The following AGBL1 variants were observed in gnomAD, a reference collection of about 807,000 sequenced individuals.
AGBL1 encodes AGBL carboxypeptidase 1.
Under a neutral mutation model 118.9 loss-of-function variants are expected in AGBL1, and 130 were observed. That is an observed-to-expected ratio of 1.09 (90% CI 0.95 to 1.26). The LOEUF (loss-of-function observed/expected upper bound fraction) is 1.26, where lower values mean the gene tolerates loss of function less well. Ranked by LOEUF, AGBL1 falls within the 50% of genes most tolerant of loss-of-function variation. The pLI is 0.00. For missense variants in AGBL1, 1,584 were observed against 1,298.1 expected (o/e 1.22, Z -3.38); for synonymous variants, 555 against 478.9 (o/e 1.16, Z -2.08).
chr15:87,025,793 C>T (rs531734105), intron 24 of AGBL1, among the ~76,000 whole-genome samples: 2 of 152,158 alleles, frequency 1.3e-5, no homozygotes, highest in Admixed American at 6.6e-5. Flanking sequence ...CAGCATGGTA[C>T]TGGTATAAGA....
At chr15:86,164,794 A>G (rs1402230811) in intron 5 of AGBL1, among the ~76,000 whole-genome samples, 2 of 152,116 alleles carry the variant, frequency 1.3e-5, no homozygotes, top group Admixed American at 6.6e-5. Flanking sequence ...AGCCCATTGT[A>G]TTCTCTGACC....
At chr15:86,790,479 C>T (rs1596483312) in intron 22 of AGBL1, among the ~76,000 whole-genome samples, 2 of 152,106 alleles carry the variant, frequency 1.3e-5, no homozygotes, top group Admixed American at 6.6e-5. Context: ...TTCCTCAGAG[C>T]TTGGTGGGCA....
intron 18 of AGBL1, among the ~76,000 whole-genome samples, chr15:86,405,056 G>A (rs744274): frequency 0.26 from 40,184 of 152,086 alleles, 5,959 homozygotes; most frequent in East Asian, 0.62. Flanking sequence ...TGCCATATGG[G>A]GGAGGCCAGA....
At chr15:86,460,343 A>AC (rs1445263547) in intron 18 of AGBL1, among the ~76,000 whole-genome samples, 20 of 149,688 alleles carry the variant, frequency 1.3e-4, no homozygotes, top group Non-Finnish European at 1.8e-4. Context: ...AAAAAAAAAA[A>AC]AAAATAGCCA....
intron 15 of AGBL1, among the ~76,000 whole-genome samples, chr15:86,274,358 G>A (rs186836973): frequency 2.6e-5 from 4 of 151,998 alleles, no homozygotes; most frequent in Admixed American, 2.6e-4. Context: ...AATATTAAGG[G>A]TAGGGGTAGG....
At chr15:86,552,279 C>T (rs933884369) in intron 20 of AGBL1, among the ~76,000 whole-genome samples, 9 of 151,954 alleles carry the variant, frequency 5.9e-5, no homozygotes, top group Non-Finnish European at 7.4e-5. Context: ...TTCTCAGTTT[C>T]GCTGTGGACC....
chr15:86,767,125 A>C (rs2078107458), intron 22 of AGBL1, among the ~76,000 whole-genome samples: 1 of 152,024 alleles, frequency 6.6e-6, no homozygotes, highest in African/African-American at 2.4e-5. Flanking sequence ...CTTTTAAAAA[A>C]CATGATTAGC....
intron 17 of AGBL1, among the ~76,000 whole-genome samples, chr15:86,346,920 G>C (rs149446998): frequency 6.6e-6 from 1 of 152,230 alleles, no homozygotes; most frequent in African/African-American, 2.4e-5. Flanking sequence ...TTGATCTGTT[G>C]TAGGTCAACT....
At chr15:86,273,219 G>A (rs2079190165) in intron 15 of AGBL1, among the ~76,000 whole-genome samples, 1 of 152,140 alleles carries the variant, frequency 6.6e-6, no homozygotes, top group African/African-American at 2.4e-5. Flanking sequence ...TCCCACAAGA[G>A]GGAAGAAGCC....
chr15:86,311,613 C>CT lies in AGBL1; in HGVS notation c.2374+16213dup, dbSNP rs1051594864. Among the ~76,000 whole-genome samples, 25 of 151,308 alleles carry CT rather than the reference C, an allele frequency of 1.7e-4. No homozygotes were observed. In the South Asian group the frequency reaches 1.7e-3, roughly 10 times the overall value. ...TTCTCCGGGGCTTCCTATTTTTTTT[C>CT]TTTTTTTTGACATCACGAATATCAA... On this transcript the variant is annotated intron_variant, in intron 17 of 22. Coordinates refer to ENST00000614907, the MANE Select transcript of AGBL1 (RefSeq NM_001386094.1).
chr15:86,097,589 C>G (rs1896462373), intron 1 of AGBL1, among the ~76,000 whole-genome samples: 1 of 141,666 alleles, frequency 7.1e-6, no homozygotes, highest in South Asian at 2.2e-4. Context: ...CAATATTTGT[C>G]TTTCTGTGCC....
chr15:86,638,429 C>T (rs757361259), intron 21 of AGBL1, among the ~76,000 whole-genome samples: 5 of 152,180 alleles, frequency 3.3e-5, no homozygotes, highest in East Asian at 1.9e-4. Context: ...CCATGGGTGC[C>T]GCGTTCAGGC....
At chr15:86,848,461 T>C (rs1371221140) in intron 22 of AGBL1, among the ~76,000 whole-genome samples, 10 of 152,180 alleles carry the variant, frequency 6.6e-5, no homozygotes, top group Non-Finnish European at 7.4e-5. Context: ...GACATGAAAT[T>C]CTCTGCTCAT....
Position 86,372,981 on chromosome 15 carries a change from CT to C in AGBL1, c.2375-24384del, listed in dbSNP as rs528336545. Among the ~76,000 whole-genome samples, 93 of 152,356 alleles carry C rather than the reference CT, an allele frequency of 6.1e-4. 3 individuals carry two copies. The South Asian group carries it at 0.019, about 32-fold the overall frequency. ...AGTGCTGGGAAGAACTGATCTAACC[CT>C]GTAACCCCTCCTTTTCTTCTTTTCT... On this transcript the variant is annotated intron_variant, in intron 17 of 22. Transcript: ENST00000614907.
At chr15:86,617,760 G>GCACACACA (rs5814253) in intron 21 of AGBL1, among the ~76,000 whole-genome samples, 161 of 146,920 alleles carry the variant, frequency 1.1e-3, no homozygotes, top group Middle Eastern at 3.4e-3. Context: ...AACTTTATGC[G>GCACACACA]CACACACACA....
At chr15:86,999,116 C>T (rs6496382) in intron 24 of AGBL1, among the ~76,000 whole-genome samples, 134,020 of 150,872 alleles carry the variant, frequency 0.89, 59,816 homozygotes, top group South Asian at 0.98. Flanking sequence ...TTTGTTTTTT[C>T]GTCCTTCGAT....
chr15:86,933,853 G>C (rs1284379017), intron 23 of AGBL1, among the ~76,000 whole-genome samples: 1 of 152,122 alleles, frequency 6.6e-6, no homozygotes, highest in African/African-American at 2.4e-5. Flanking sequence ...TTGCCACTTT[G>C]GGAAAAACAA....
intron 21 of AGBL1, among the ~76,000 whole-genome samples, chr15:86,662,667 A>T (rs1223956295): frequency 6.6e-6 from 1 of 152,200 alleles, no homozygotes; most frequent in African/African-American, 2.4e-5. Flanking sequence ...CTAAAAACAG[A>T]TGCTTAGTTA....
chr15:86,898,791 G>T (rs2080169395), intron 22 of AGBL1, among the ~76,000 whole-genome samples: 3 of 151,980 alleles, frequency 2.0e-5, no homozygotes. Flanking sequence ...GAAAAAAAAA[G>T]CTCAACATCA....
Sources: gnomAD v4.1 joint callset for allele counts (sites outside exome capture counted in the v4.1 genomes callset) on GRCh38, gnomAD v4.1.1 for gene constraint, MANE v1.5 for transcripts, NCBI Gene and HGNC (gene_info 2026-07-23, HGNC 2026-07-21) for gene names.